The following HYDIN variants were observed in gnomAD, a reference collection of about 807,000 sequenced individuals.
The protein encoded by HYDIN is HYDIN axonemal central pair apparatus protein, also known as axonemal central pair apparatus protein HYDIN.
A neutral mutation model predicts 403.9 loss-of-function variants in HYDIN; 132 were observed. The ratio of observed to expected loss-of-function variants is 0.33; its 90% CI spans 0.28 to 0.38. The LOEUF is 0.38. HYDIN is among the 10% of genes least tolerant of loss of function. The probability of loss-of-function intolerance (pLI) is 1.00; values close to 1 mark genes in which losing one functional copy is unlikely to be tolerated. For missense variants in HYDIN, 2,827 were observed against 5,009.5 expected (o/e 0.56, Z 13.15); for synonymous variants, 1,202 against 1,891.7 (o/e 0.64, Z 9.46).
chr16:70,926,416 A>T (rs1597340039), intron 45 of HYDIN, among the ~76,000 whole-genome samples: 1 of 151,264 alleles, frequency 6.6e-6, no homozygotes, highest in South Asian at 2.1e-4. Context: ...AACAATGAGA[A>T]CACATGGACA....
At chr16:71,066,710 C>G (rs1209791056) in intron 15 of HYDIN, 3 of 365,360 alleles carry the variant, frequency 8.2e-6, no homozygotes, top group Non-Finnish European at 1.6e-5. Context: ...CAACAAATGG[C>G]TGAGCCAGGA....
At chr16:71,206,471 G>T (rs1048455781) in intron 1 of HYDIN, among the ~76,000 whole-genome samples, 11 of 152,160 alleles carry the variant, frequency 7.2e-5, no homozygotes, top group African/African-American at 1.9e-4. Context: ...GGCCCACACA[G>T]CTGAGAGAGA....
At position 70,802,820 on chromosome 16, in the gene HYDIN, T is replaced by A. The variant is rs1370634801; in HGVS notation, c.*4760A>T. 2 of 152,248 alleles carry A rather than the reference T, an allele frequency of 1.3e-5. No individual in the cohort carries two copies. The highest frequency in any genetic ancestry group is 2.9e-5 in the Non-Finnish European group (2 of 68,036). 9.4% of individuals were successfully genotyped at this position (152,248 alleles called of 1,614,324 possible). A position where few individuals can be genotyped will look rare whatever the true frequency, so the allele number is the denominator to read the frequency against. ...AAAATCCATAAAAAATGTATTCTCC[T>A]ATACAGGTGGGGTTTTCATAGTTGT... On this transcript the variant is annotated 3_prime_UTR_variant, in exon 86 of 86. Transcript: ENST00000393567.
At position 71,031,905 on chromosome 16, in the gene HYDIN, A is replaced by AT. The variant is rs1188169133; in HGVS notation, c.2541dup (p.Ser848IlefsTer6). 4 of 1,486,532 alleles carry AT rather than the reference A, an allele frequency of 2.7e-6. No homozygotes were observed. Among genetic ancestry groups the AT allele is most frequent in the South Asian group, 2.5e-5 (2 of 79,442 alleles). The allele number at this position is 1,486,532 out of a possible 1,614,324, so 92.1% of individuals were successfully genotyped here. A position where few individuals can be genotyped will look rare whatever the true frequency, so the allele number is the denominator to read the frequency against. ...TCATTGGGTTCAATCGTCCAAAGGGATTTTTTGTGTGCCTGCAACACAAGA... is the reference window on the plus strand; with the variant it reads ...TCATTGGGTTCAATCGTCCAAAGGGATTTTTTTGTGTGCCTGCAACACAAGA... On this transcript the variant is annotated frameshift_variant, in exon 19 of 86. Transcript: ENST00000393567. LOFTEE classifies it high-confidence loss of function.
At chr16:71,174,261 T>G (rs1398077910) in intron 5 of HYDIN, among the ~76,000 whole-genome samples, 1 of 152,166 alleles carries the variant, frequency 6.6e-6, no homozygotes, top group Non-Finnish European at 1.5e-5. Context: ...GAGTACATAC[T>G]TAACAAACCA....
At chr16:70,843,074 G>T in intron 75 of HYDIN, among the ~76,000 whole-genome samples, 1 of 149,280 alleles carries the variant, frequency 6.7e-6, no homozygotes, top group African/African-American at 2.5e-5. Context: ...TATGTTTTAG[G>T]GTACATGTGC....
chr16:70,990,539 T>C (rs2079317215), intron 25 of HYDIN, among the ~76,000 whole-genome samples: 1 of 151,236 alleles, frequency 6.6e-6, no homozygotes. Flanking sequence ...TTTTTCTTAA[T>C]ATATCAAAGA....
intron 18 of HYDIN, among the ~76,000 whole-genome samples, chr16:71,033,686 A>G (rs931657527): frequency 1.3e-5 from 2 of 152,124 alleles, no homozygotes; most frequent in African/African-American, 4.8e-5. Context: ...TGCTGGGTTT[A>G]ATACTTAGAT....
chr16:70,959,291 A>G (rs1405711048), intron 39 of HYDIN: 1 of 188,844 alleles, frequency 5.3e-6, no homozygotes, highest in African/African-American at 2.4e-5. Flanking sequence ...GCCAACAGTC[A>G]TCATAGTAAT....
chr16:71,001,842 T>C (rs2079723736), intron 23 of HYDIN, among the ~76,000 whole-genome samples: 1 of 152,050 alleles, frequency 6.6e-6, no homozygotes, highest in African/African-American at 2.4e-5. Context: ...GGAAACACTG[T>C]GGAGGAAATG....
At chr16:70,967,060 T>C (rs1422885883) in intron 36 of HYDIN, among the ~76,000 whole-genome samples, 2 of 151,736 alleles carry the variant, frequency 1.3e-5, no homozygotes, top group African/African-American at 2.4e-5. Context: ...GAAAAAGAGA[T>C]TACTAGCTAA....
At chr16:70,820,301 C>T (rs1157554601) in intron 83 of HYDIN, among the ~76,000 whole-genome samples, 2 of 148,450 alleles carry the variant, frequency 1.3e-5, no homozygotes, top group Non-Finnish European at 3.0e-5. Context: ...TGTCATTCTC[C>T]TGCTTCAGCC....
At chr16:71,097,809 T>C (rs1183120159) in intron 10 of HYDIN, among the ~76,000 whole-genome samples, 1 of 151,218 alleles carries the variant, frequency 6.6e-6, no homozygotes, top group African/African-American at 2.4e-5. Context: ...TTCAAAATAC[T>C]TTTGATGCTT....
At chr16:71,114,417 T>A (rs1234162136) in intron 10 of HYDIN, among the ~76,000 whole-genome samples, 1 of 151,440 alleles carries the variant, frequency 6.6e-6, no homozygotes, top group Admixed American at 6.6e-5. Context: ...TATCATTCTT[T>A]GAGCATTTCC....
Position 71,108,143 on chromosome 16 carries a change from G to A in HYDIN, c.1327+7553C>T, listed in dbSNP as rs184217216. Among the ~76,000 whole-genome samples the A allele has an allele frequency of 4.7e-3, 708 of 152,250 alleles. 5 individuals carry two copies. The highest frequency in any genetic ancestry group is 7.5e-3 in the Non-Finnish European group (508 of 68,024). The stretch of plus-strand genomic sequence containing the variant: ...TGAGAACACACGGACACAAAGAGGG[G>A]AACAACAGACACTGGGGCCTAGTGG... On this transcript the variant is annotated intron_variant, in intron 10 of 85. Transcript: ENST00000393567.
chr16:70,904,259 T>C (rs1357089339), intron 50 of HYDIN, among the ~76,000 whole-genome samples, 195 bp from the exon 51 acceptor site: 1 of 93,988 alleles, frequency 1.1e-5, no homozygotes, highest in East Asian at 2.4e-4. Flanking sequence ...GTGACTTGGC[T>C]CCCTCAAGCC....
chr16:70,892,646 C>A (rs1352690561), intron 55 of HYDIN, 117 bp from the exon 56 acceptor site: 3 of 947,248 alleles, frequency 3.2e-6, no homozygotes, highest in Non-Finnish European at 3.1e-6. Context: ...TTAGCCACTA[C>A]GTCCGGCGGA....
At chr16:70,849,119 T>C (rs918073306) in intron 75 of HYDIN, among the ~76,000 whole-genome samples, 10 of 152,040 alleles carry the variant, frequency 6.6e-5, no homozygotes, top group African/African-American at 2.4e-4. Context: ...CAGGGTCTGA[T>C]TGATTGCTGA....
At chr16:71,005,537 T>C (rs1368239851) in intron 23 of HYDIN, among the ~76,000 whole-genome samples, 2 of 152,084 alleles carry the variant, frequency 1.3e-5, no homozygotes, top group Non-Finnish European at 2.9e-5. Flanking sequence ...GAGAAATAAA[T>C]ATCTCTTGTT....
Sources: allele counts gnomAD v4.1 joint callset (sites outside exome capture counted in the v4.1 genomes callset), GRCh38; gene constraint gnomAD v4.1.1; transcripts MANE v1.5; gene names NCBI Gene and HGNC (gene_info 2026-07-23, HGNC 2026-07-21).